Variants in KPNA4 observed in about 807,000 individuals in gnomAD.
The protein encoded by KPNA4 is importin subunit alpha-3.
Under a neutral mutation model 71.3 loss-of-function variants are expected in KPNA4, and 13 were observed. The ratio of observed to expected loss-of-function variants is 0.18; its 90% CI spans 0.12 to 0.29. KPNA4 has a LOEUF of 0.29. Ranked by LOEUF, KPNA4 falls within the 10% of genes least tolerant of loss-of-function variation. The pLI is 1.00. For missense variants in KPNA4, 334 were observed against 603.2 expected (o/e 0.55, Z 4.67); for synonymous variants, 189 against 195.2 (o/e 0.97, Z 0.26).
At chr3:160,525,323 G>C (rs1235061011) in intron 10 of KPNA4, among the ~76,000 whole-genome samples, 3 of 152,214 alleles carry the variant, frequency 2.0e-5, no homozygotes, top group South Asian at 4.1e-4. Context: ...ATGTGTATAT[G>C]AATACAAATC....
rs570062357 is a variant in KPNA4, at chr3:160,531,002, C to T, written c.384-62G>A. On this transcript the variant is annotated intron_variant, in intron 6 of 16. Transcript: ENST00000334256. ...TTTTTACATTGGGCCAAATATCTAA[C>T]CATTCTTCCTTCTACCATTTAAAAT... 4.7e-5 allele frequency: 50 copies of T among 1,074,304 alleles called. No homozygotes were observed. The African/African-American group carries it at 7.3e-4, about 16-fold the overall frequency. 66.5% of individuals were successfully genotyped at this position (1,074,304 alleles called of 1,614,324 possible). A position where few individuals can be genotyped will look rare whatever the true frequency, so the allele number is the denominator to read the frequency against.
chr3:160,541,657 A>G (rs1021464639), intron 1 of KPNA4, among the ~76,000 whole-genome samples: 73 of 151,290 alleles, frequency 4.8e-4, no homozygotes, highest in Admixed American at 2.8e-3. Flanking sequence ...GCGCACACAC[A>G]CACACACACA....
At position 160,565,457 on chromosome 3, in the gene KPNA4, C is replaced by T. The variant is rs557946352; in HGVS notation, c.-175G>A. 4 of 586,116 alleles carry T rather than the reference C, an allele frequency of 6.8e-6. No homozygotes were observed. The highest frequency in any genetic ancestry group is 6.1e-5 in the South Asian group (3 of 49,336). The allele number at this position is 586,116 out of a possible 1,614,324, so 36.3% of individuals were successfully genotyped here. ...CGCGGCCTTCTCCTCTCCCCGCCCG[C>T]CCCCCCGCCCTAACCCCAGCGCGAC... On this transcript the variant is annotated 5_prime_UTR_variant, in exon 1 of 17. Transcript: ENST00000334256.
At chr3:160,549,037 G>T (rs1462314033) in intron 1 of KPNA4, among the ~76,000 whole-genome samples, 2 of 152,184 alleles carry the variant, frequency 1.3e-5, no homozygotes, top group African/African-American at 2.4e-5. Context: ...AATGATTACT[G>T]ATGTTGAGCA....
chr3:160,552,030 TCCC>T (rs1722051449), intron 1 of KPNA4, among the ~76,000 whole-genome samples: 1 of 147,632 alleles, frequency 6.8e-6, no homozygotes. Flanking sequence ...CACTCCCCCA[TCCC>T]CCAACAAATT....
At chr3:160,529,282 A>G (rs1025560832) in intron 7 of KPNA4, among the ~76,000 whole-genome samples, 1 of 152,128 alleles carries the variant, frequency 6.6e-6, no homozygotes, top group Non-Finnish European at 1.5e-5. Flanking sequence ...GCAGACTAGC[A>G]GGGTCAAAAA....
chr3:160,535,707 A>T lies in KPNA4; in HGVS notation c.205-17T>A, dbSNP rs1454042186. 1.3e-6 allele frequency: 2 copies of T among 1,573,778 alleles called. No homozygotes were observed. The highest frequency in any genetic ancestry group is 2.8e-5 in the African/African-American group (2 of 72,226). Reference sequence around the variant, plus strand: ...GGTATTTTGCTGGGAAAAAAGTTAAAGAGAAAACTCAGTTAAAAAGTCACC... The same window carrying T: ...GGTATTTTGCTGGGAAAAAAGTTAATGAGAAAACTCAGTTAAAAAGTCACC... On this transcript the variant is annotated splice_polypyrimidine_tract_variant and intron_variant, in intron 3 of 16. Transcript: ENST00000334256.
At chr3:160,548,540 G>A (rs1389800757) in intron 1 of KPNA4, among the ~76,000 whole-genome samples, 5 of 151,994 alleles carry the variant, frequency 3.3e-5, no homozygotes, top group Non-Finnish European at 1.5e-5. Context: ...TTGTATAAGT[G>A]GAATTATACA....
In KPNA4 at chr3:160,499,100, A is replaced by G. The variant is rs1577041960; in HGVS notation, c.*3004T>C. 1 of 151,516 alleles carries G rather than the reference A, an allele frequency of 6.6e-6. No individual in the cohort carries two copies. Among genetic ancestry groups the G allele is most frequent in the East Asian group, 1.9e-4 (1 of 5,174 alleles). The allele number at this position is 151,516 out of a possible 1,614,324, so 9.4% of individuals were successfully genotyped here. A position where few individuals can be genotyped will look rare whatever the true frequency, so the allele number is the denominator to read the frequency against. On this transcript the variant is annotated 3_prime_UTR_variant, in exon 17 of 17. Coordinates refer to ENST00000334256, the MANE Select transcript of KPNA4 (RefSeq NM_002268.5). ...GAGGTAAGCCTAAACTAAATGATAC[A>G]CTCCCTCTCCCCAAAATTATTCTAG...
At chr3:160,519,369 G>A (rs1721295951) in intron 11 of KPNA4, among the ~76,000 whole-genome samples, 1 of 152,180 alleles carries the variant, frequency 6.6e-6, no homozygotes, top group Non-Finnish European at 1.5e-5. Flanking sequence ...GATGCAATGT[G>A]TGGTCTTTAT....
At chr3:160,551,948 G>A (rs1722049192) in intron 1 of KPNA4, among the ~76,000 whole-genome samples, 1 of 141,596 alleles carries the variant, frequency 7.1e-6, no homozygotes, top group Non-Finnish European at 1.6e-5. Context: ...CTGGGGGGGG[G>A]GGGGTGATGT....
chr3:160,530,421 G>C (rs975476920), intron 7 of KPNA4, among the ~76,000 whole-genome samples: 39 of 152,126 alleles, frequency 2.6e-4, no homozygotes, highest in South Asian at 4.1e-4. Context: ...CGAGGCTACA[G>C]TGAGCTGAGA....
rs1405333728 is a variant in KPNA4, at chr3:160,498,235, G to A, written c.*3869C>T. On this transcript the variant is annotated 3_prime_UTR_variant, in exon 17 of 17. Transcript: ENST00000334256. ...ACTACCATGTATATACACTTTTTGG[G>A]GAAGCTGGTCCAGTTTTCATTAGGT... 2 of 152,110 alleles carry A rather than the reference G, an allele frequency of 1.3e-5. No homozygotes were observed. Among genetic ancestry groups the A allele is most frequent in the Admixed American group, 1.3e-4 (2 of 15,272 alleles). The allele number at this position is 152,110 out of a possible 1,614,324, so 9.4% of individuals were successfully genotyped here.
chr3:160,518,117 G>C (rs1721264811), intron 11 of KPNA4, among the ~76,000 whole-genome samples: 1 of 150,156 alleles, frequency 6.7e-6, no homozygotes. Context: ...TTAGGTGTTT[G>C]ATCTATTCTG....
At chr3:160,502,970 G>C (rs1720913464) in intron 16 of KPNA4, among the ~76,000 whole-genome samples, 1 of 152,112 alleles carries the variant, frequency 6.6e-6, no homozygotes, top group Non-Finnish European at 1.5e-5. Context: ...AATTAGCTGG[G>C]CATGGTGGCA....
intron 1 of KPNA4, among the ~76,000 whole-genome samples, chr3:160,554,167 T>C (rs1171977018): frequency 6.6e-6 from 1 of 152,244 alleles, no homozygotes. Context: ...CACTCATCTC[T>C]TACGTTTTCT....
In KPNA4 at chr3:160,504,940, T is replaced by A. The variant is rs776869879; in HGVS notation, c.1467+18A>T. ...TGTTTATATATAAAATTAAGAAAACTACAAAATTATTAAATACATCATCTG... is the reference window on the plus strand; with the variant it reads ...TGTTTATATATAAAATTAAGAAAACAACAAAATTATTAAATACATCATCTG... On this transcript the variant is annotated intron_variant, in intron 16 of 16. Coordinates refer to ENST00000334256, the MANE Select transcript of KPNA4 (RefSeq NM_002268.5). The A allele has an allele frequency of 4.0e-5, 52 of 1,285,780 alleles. No individual in the cohort carries two copies. Among genetic ancestry groups the A allele is most frequent in the Non-Finnish European group, 4.1e-5 (39 of 945,674 alleles). The allele number at this position is 1,285,780 out of a possible 1,614,324, so 79.6% of individuals were successfully genotyped here. A position where few individuals can be genotyped will look rare whatever the true frequency, so the allele number is the denominator to read the frequency against.
intron 1 of KPNA4, among the ~76,000 whole-genome samples, chr3:160,544,419 TAA>T (rs1721866104): frequency 6.6e-6 from 1 of 152,204 alleles, no homozygotes; most frequent in Non-Finnish European, 1.5e-5. Context: ...AACACATATA[TAA>T]GTTTTATATG....
chr3:160,503,673 C>T (rs1005419832), intron 16 of KPNA4, among the ~76,000 whole-genome samples: 3 of 152,096 alleles, frequency 2.0e-5, no homozygotes, highest in African/African-American at 4.8e-5. Context: ...AAGTCAAGAA[C>T]GAAAACTACA....
Sources: gnomAD v4.1 joint callset for allele counts (sites outside exome capture counted in the v4.1 genomes callset) on GRCh38, gnomAD v4.1.1 for gene constraint, MANE v1.5 for transcripts, NCBI Gene and HGNC (gene_info 2026-07-23, HGNC 2026-07-21) for gene names.